CTNND2: variants seen among roughly 807,000 people sequenced by gnomAD.
CTNND2 encodes the protein catenin delta 2.
CTNND2 carries 22 observed loss-of-function variants against 144.4 expected under a neutral mutation model. The ratio of observed to expected loss-of-function variants is 0.15; its 90% confidence interval spans 0.11 to 0.22. The LOEUF (loss-of-function observed/expected upper bound fraction) is 0.22, where lower values mean the gene tolerates loss of function less well. Ranked by LOEUF, CTNND2 falls within the 10% of genes least tolerant of loss-of-function variation. CTNND2 has a pLI of 1.00. For synonymous variants in CTNND2, 751 were observed against 695.6 expected, an observed-to-expected ratio of 1.08 and a Z score of -1.25; for missense variants, 1,353 against 1,618.8, an observed-to-expected ratio of 0.84 and a Z score of 2.82.
At chr5:11,452,526 C>T (rs1392630763) in intron 3 of CTNND2, among the ~76,000 whole-genome samples, 1 of 152,210 alleles carries the variant, frequency 6.6e-6, no homozygotes, top group Non-Finnish European at 1.5e-5. Context: ...TCCTTTAAAA[C>T]ACACAGAGCT....
chr5:11,538,888 T>C (rs1213887586), intron 3 of CTNND2, among the ~76,000 whole-genome samples: 1 of 152,144 alleles, frequency 6.6e-6, no homozygotes, highest in African/African-American at 2.4e-5. Flanking sequence ...TAGTAAGATT[T>C]TTCACCTGGA....
intron 1 of CTNND2, among the ~76,000 whole-genome samples, chr5:11,774,641 T>TTG: frequency 6.6e-6 from 1 of 152,228 alleles, no homozygotes. Flanking sequence ...AGTCACATTT[T>TTG]CGCTTGCAAT....
Position 11,117,819 on chromosome 5 carries a change from G to A in CTNND2, c.2160-252C>T, listed in dbSNP as rs115678694. Reference sequence around the variant, plus strand: ...AGAACTCCTAATACGGGATCTGTGAGTCCCATGACCGTGGAGGGTGGGGGA... The same window carrying A: ...AGAACTCCTAATACGGGATCTGTGAATCCCATGACCGTGGAGGGTGGGGGA... On this transcript the variant is annotated intron_variant, in intron 12 of 21. Transcript: ENST00000304623. Among the ~76,000 whole-genome samples the A allele has an allele frequency of 3.0e-3, 452 of 152,326 alleles. 2 individuals carry two copies. The highest frequency in any genetic ancestry group is 5.2e-3 in the Non-Finnish European group (351 of 68,018).
chr5:11,796,577 T>G (rs866265063), intron 1 of CTNND2, among the ~76,000 whole-genome samples: 13 of 145,682 alleles, frequency 8.9e-5, no homozygotes. Flanking sequence ...AATTTACTTC[T>G]TATAGCTTTC....
chr5:11,367,753 CAAGACCCTGCAGGATGGCAA>C (rs574791167), intron 7 of CTNND2, among the ~76,000 whole-genome samples: 35 of 152,246 alleles, frequency 2.3e-4, no homozygotes, highest in Admixed American at 5.2e-4. Flanking sequence ...TGGCCTTGAC[CAAGACCCTGCAGGATGGCAA>C]AGTGCAATCA....
chr5:11,221,640 A>G (rs1739806011), intron 10 of CTNND2, among the ~76,000 whole-genome samples: 1 of 152,204 alleles, frequency 6.6e-6, no homozygotes, highest in South Asian at 2.1e-4. Flanking sequence ...GCCTTCTTGT[A>G]TTGTTTCTCT....
At chr5:11,672,090 G>T (rs1185271553) in intron 2 of CTNND2, among the ~76,000 whole-genome samples, 1 of 152,194 alleles carries the variant, frequency 6.6e-6, no homozygotes, top group East Asian at 1.9e-4. Context: ...GACCCTGTTT[G>T]CCTGGGTATC....
intron 17 of CTNND2, 132 bp from the exon 18 acceptor site, chr5:11,018,190 G>A: frequency 1.6e-6 from 1 of 630,568 alleles, no homozygotes; most frequent in Non-Finnish European, 2.9e-6. Context: ...AGTGCTCCCT[G>A]ATATTACTAC....
intron 15 of CTNND2, among the ~76,000 whole-genome samples, chr5:11,093,410 C>T (rs1225261604): frequency 1.3e-5 from 2 of 152,116 alleles, no homozygotes; most frequent in African/African-American, 2.4e-5. Flanking sequence ...AACTGAAGTC[C>T]ATGTTGGCAA....
intron 12 of CTNND2, among the ~76,000 whole-genome samples, chr5:11,138,868 G>A (rs1014610264): frequency 6.6e-6 from 1 of 152,194 alleles, no homozygotes; most frequent in African/African-American, 2.4e-5. Context: ...TAGTCATGAG[G>A]AGGTTCCTTC....
chr5:11,670,230 T>C (rs578242778), intron 2 of CTNND2, among the ~76,000 whole-genome samples: 1 of 152,308 alleles, frequency 6.6e-6, no homozygotes, highest in African/African-American at 2.4e-5. Context: ...ATACTGTTGA[T>C]TTGGGGTGGA....
intron 2 of CTNND2, among the ~76,000 whole-genome samples, chr5:11,708,245 T>C (rs1487909325): frequency 6.6e-6 from 1 of 151,210 alleles, no homozygotes; most frequent in Non-Finnish European, 1.5e-5. Flanking sequence ...AATAGATTTA[T>C]CAGTGGTAAA....
In CTNND2 at chr5:11,103,278, G is replaced by A. The variant is rs184097446; in HGVS notation, c.2464-4530C>T. ...ATTACAGGCATGAGCCACCGCACCC[G>A]GTCTATTTAAAAGAGTTCTATCTCA... On this transcript the variant is annotated intron_variant, in intron 14 of 21. Transcript: ENST00000304623. 4.2e-4 allele frequency among the ~76,000 whole-genome samples: 64 copies of A among 151,832 alleles called. No homozygotes were observed. The East Asian group carries it at 0.011, about 27-fold the overall frequency.
chr5:11,777,937 A>C (rs954764867), intron 1 of CTNND2, among the ~76,000 whole-genome samples: 6 of 152,308 alleles, frequency 3.9e-5, no homozygotes, highest in Middle Eastern at 3.4e-3. Flanking sequence ...TTGGACCTAA[A>C]GTAGTCCCAG....
rs1472271140 is a variant in CTNND2 at position 11,385,069 on chromosome 5, G to C, written c.773C>G (p.Thr258Arg). ...AAAALYYSSS[T>R]LPAPPRGGSP... is the part of the protein sequence containing the mutation. ...GCCCCCGCGCGGCGGCGCGGGCAGCGTGGAGCTGGAGTAGTAGAGCGCGGC... is the reference window on the plus strand; with the variant it reads ...GCCCCCGCGCGGCGGCGCGGGCAGCCTGGAGCTGGAGTAGTAGAGCGCGGC... The change falls in exon 7 of 22, where the codon ACG becomes AGG. Residue 258 changes from threonine to arginine, a missense_variant. Around this residue, in one of 4 missense-constraint regions of CTNND2, gnomAD observed 708 missense variants for 706.4 expected, o/e 1.00. Coordinates refer to ENST00000304623, the MANE Select transcript of CTNND2 (RefSeq NM_001332.4). 9.2e-7 allele frequency: 1 copy of C among 1,086,174 alleles called. No individual in the cohort carries two copies. The highest frequency in any genetic ancestry group is 6.8e-5 in the East Asian group (1 of 14,764). The allele number at this position is 1,086,174 out of a possible 1,614,324, so 67.3% of individuals were successfully genotyped here. A position where few individuals can be genotyped will look rare whatever the true frequency, so the allele number is the denominator to read the frequency against.
chr5:11,112,214 T>C (rs925438161), intron 13 of CTNND2, among the ~76,000 whole-genome samples: 22 of 152,116 alleles, frequency 1.4e-4, no homozygotes, highest in African/African-American at 4.8e-4. Flanking sequence ...GAGGTGGGAA[T>C]TGTTAAGCTA....
At position 11,903,772 on chromosome 5, in the gene CTNND2, G is replaced by A. The variant is rs1738106155; in HGVS notation, c.37+45C>T. 2 of 1,466,818 alleles carry A rather than the reference G, an allele frequency of 1.4e-6. No homozygotes were observed. Among genetic ancestry groups the A allele is most frequent in the East Asian group, 6.1e-5 (2 of 32,978 alleles). 90.9% of individuals were successfully genotyped at this position (1,466,818 alleles called of 1,614,324 possible). A position where few individuals can be genotyped will look rare whatever the true frequency, so the allele number is the denominator to read the frequency against. On this transcript the variant is annotated intron_variant, in intron 1 of 21. Coordinates refer to ENST00000304623, the MANE Select transcript of CTNND2 (RefSeq NM_001332.4). The surrounding 1 kb of genome is among the most constrained non-coding windows in gnomAD (Gnocchi z 5.4). The stretch of plus-strand genomic sequence containing the variant: ...CGGCAAGAGGAGGAGGACGGCGCCG[G>A]GAGGAGGCTGCGCCCGGCCCCGGCC...
At chr5:11,511,876 C>T (rs796679323) in intron 3 of CTNND2, among the ~76,000 whole-genome samples, 1 of 152,152 alleles carries the variant, frequency 6.6e-6, no homozygotes, top group South Asian at 2.1e-4. Flanking sequence ...CTCTTTTGTG[C>T]CCCAGACTCA....
chr5:11,118,316 T>C lies in CTNND2; in HGVS notation c.2160-749A>G, dbSNP rs146475618. Reference sequence around the variant, plus strand: ...TCTTCTCCTACCCACAGTTAGCATATGGTTCCAGTAGAGAATTTCTGCAAT... The same window carrying C: ...TCTTCTCCTACCCACAGTTAGCATACGGTTCCAGTAGAGAATTTCTGCAAT... On this transcript the variant is annotated intron_variant, in intron 12 of 21. Transcript: ENST00000304623. 2.6e-5 allele frequency among the ~76,000 whole-genome samples: 4 copies of C among 152,346 alleles called. No homozygotes were observed. In the East Asian group the frequency reaches 7.7e-4, roughly 29 times the overall value.
Sources: allele counts gnomAD v4.1 joint callset (sites outside exome capture counted in the v4.1 genomes callset), GRCh38; gene constraint gnomAD v4.1.1; regional missense constraint gnomAD v4.1.1; non-coding constraint Gnocchi (gnomAD v3.1); transcripts MANE v1.5; gene names NCBI Gene and HGNC (gene_info 2026-07-23, HGNC 2026-07-21).